ETS1: variants seen among roughly 807,000 people sequenced by gnomAD.
The protein encoded by ETS1 is protein C-ets-1.
A neutral mutation model predicts 58.6 loss-of-function variants in ETS1; 15 were observed. That is an observed-to-expected ratio of 0.26 (90% CI 0.17 to 0.39). The LOEUF (loss-of-function observed/expected upper bound fraction) is 0.39. ETS1 is among the 10% of genes least tolerant of loss of function. The pLI is 1.00. For missense variants in ETS1, 417 were observed against 610.5 expected (o/e 0.68, Z 3.34); for synonymous variants, 214 against 218.2 (o/e 0.98, Z 0.17).
In ETS1 at chr11:128,549,632, T is replaced by C. The variant is rs531897546; in HGVS notation, c.214+6659A>G. On this transcript the variant is annotated intron_variant, in intron 3 of 9. Coordinates refer to ENST00000392668, the MANE Select transcript of ETS1 (RefSeq NM_001143820.2). This position sits in a 1 kb window ranked among gnomAD's most constrained non-coding sequence, Gnocchi z 4.3. ...GGCGGGCCGGCGGAAGGCTTGCCTT[T>C]CCACTGTCACTCCACGAACCCAGCC... Among the ~76,000 whole-genome samples, 1 of 152,320 alleles carries C rather than the reference T, an allele frequency of 6.6e-6. No homozygotes were observed. Among genetic ancestry groups the C allele is most frequent in the Admixed American group, 6.5e-5 (1 of 15,300 alleles).
At chr11:128,584,200 T>C (rs1452472344) in intron 1 of ETS1, among the ~76,000 whole-genome samples, 3 of 152,232 alleles carry the variant, frequency 2.0e-5, no homozygotes, top group Non-Finnish European at 4.4e-5. Context: ...AAAGTCAGTA[T>C]CTTCATAACA....
Position 128,549,562 on chromosome 11 carries a change from C to T in ETS1, c.214+6729G>A, listed in dbSNP as rs1271493449. Among the ~76,000 whole-genome samples the T allele has an allele frequency of 1.3e-5, 2 of 152,190 alleles. No homozygotes were observed. The highest frequency in any genetic ancestry group is 2.9e-5 in the Non-Finnish European group (2 of 68,034). On this transcript the variant is annotated intron_variant, in intron 3 of 9. Coordinates refer to ENST00000392668, the MANE Select transcript of ETS1 (RefSeq NM_001143820.2). This position sits in a 1 kb window ranked among gnomAD's most constrained non-coding sequence, Gnocchi z 4.3. ...CCGCAGCCCCCTGGGAGTCCCAGCG[C>T]AATGCTGTTACTTCCTAGGATGTTC...
intron 3 of ETS1, among the ~76,000 whole-genome samples, chr11:128,496,336 G>A (rs1049840786): frequency 1.3e-4 from 20 of 151,856 alleles, no homozygotes; most frequent in African/African-American, 4.8e-4. Context: ...TTTCCTACAA[G>A]CAGAAGGCTG....
At position 128,460,801 on chromosome 11, in the gene ETS1, A is replaced by G. The variant is rs1477255648; in HGVS notation, c.*1560T>C. 1 of 152,288 alleles carries G rather than the reference A, an allele frequency of 6.6e-6. No homozygotes were observed. Among genetic ancestry groups the G allele is most frequent in the East Asian group, 1.9e-4 (1 of 5,328 alleles). The allele number at this position is 152,288 out of a possible 1,614,324, so 9.4% of individuals were successfully genotyped here. A position where few individuals can be genotyped will look rare whatever the true frequency, so the allele number is the denominator to read the frequency against. ...TTTTCCTCACTGAACCTCCTTCCTTAGTTTCCTTTGCCTTCAAGTCATTCC... is the reference window on the plus strand; with the variant it reads ...TTTTCCTCACTGAACCTCCTTCCTTGGTTTCCTTTGCCTTCAAGTCATTCC... On this transcript the variant is annotated 3_prime_UTR_variant, in exon 10 of 10. Coordinates refer to ENST00000392668, the MANE Select transcript of ETS1 (RefSeq NM_001143820.2).
chr11:128,503,379 C>T (rs1863140888), intron 3 of ETS1, among the ~76,000 whole-genome samples: 1 of 152,170 alleles, frequency 6.6e-6, no homozygotes, highest in Non-Finnish European at 1.5e-5. Context: ...CGTTCCTTCC[C>T]CAGCCCCACA....
chr11:128,531,500 T>G (rs1008422895), intron 3 of ETS1, among the ~76,000 whole-genome samples: 1 of 152,240 alleles, frequency 6.6e-6, no homozygotes, highest in Non-Finnish European at 1.5e-5. Flanking sequence ...GGACACAGTG[T>G]CCTATCTTCA....
intron 2 of ETS1, among the ~76,000 whole-genome samples, chr11:128,567,093 G>C (rs1309567027): frequency 2.0e-5 from 3 of 152,212 alleles, no homozygotes; most frequent in African/African-American, 7.2e-5. Flanking sequence ...TTGTGACAGG[G>C]AGCTGCTCTG....
Position 128,463,472 on chromosome 11 carries a change from T to G in ETS1, c.1242+37A>C. 8.5e-7 allele frequency: 1 copy of G among 1,179,642 alleles called. No homozygotes were observed. Among genetic ancestry groups the G allele is most frequent in the Non-Finnish European group, 1.3e-6 (1 of 784,890 alleles). 73.1% of individuals were successfully genotyped at this position (1,179,642 alleles called of 1,614,324 possible). ...CCTTCCAGGAGTTTTCTCTCATCCTTCCTCAACACAGTACTCGCAAGCCCC... is the reference window on the plus strand; with the variant it reads ...CCTTCCAGGAGTTTTCTCTCATCCTGCCTCAACACAGTACTCGCAAGCCCC... On this transcript the variant is annotated intron_variant, in intron 9 of 9. Transcript: ENST00000392668. This position sits in a 1 kb window ranked among gnomAD's most constrained non-coding sequence, Gnocchi z 4.1.
chr11:128,510,951 A>G (rs1465183025), intron 3 of ETS1, among the ~76,000 whole-genome samples: 1 of 152,238 alleles, frequency 6.6e-6, no homozygotes, highest in Non-Finnish European at 1.5e-5. Flanking sequence ...TTTTAGAGAG[A>G]TAATCTGACA....
chr11:128,496,008 C>A (rs888462351), intron 3 of ETS1, among the ~76,000 whole-genome samples: 1 of 152,062 alleles, frequency 6.6e-6, no homozygotes, highest in Non-Finnish European at 1.5e-5. Flanking sequence ...CATACACACA[C>A]GCAGAAGAAT....
intron 3 of ETS1, among the ~76,000 whole-genome samples, chr11:128,545,271 T>A (rs1490865579): frequency 6.6e-6 from 1 of 152,160 alleles, no homozygotes; most frequent in Non-Finnish European, 1.5e-5. Flanking sequence ...TTTTCATGGG[T>A]CTCTGCTTTG....
At chr11:128,530,593 A>C in intron 3 of ETS1, among the ~76,000 whole-genome samples, 1 of 152,174 alleles carries the variant, frequency 6.6e-6, no homozygotes, top group East Asian at 1.9e-4. Flanking sequence ...TTGGGAAACC[A>C]TCTTGAAAGA....
At chr11:128,568,315 C>T (rs1864547706) in intron 2 of ETS1, among the ~76,000 whole-genome samples, 2 of 152,234 alleles carry the variant, frequency 1.3e-5, no homozygotes, top group Admixed American at 6.5e-5. Flanking sequence ...CGCTCATTCC[C>T]GCCACTCTCA....
intron 1 of ETS1, among the ~76,000 whole-genome samples, chr11:128,579,272 T>C (rs1302758770): frequency 1.3e-5 from 2 of 152,180 alleles, no homozygotes; most frequent in Non-Finnish European, 2.9e-5. Context: ...TGAATAGATT[T>C]CCAATGAGCA....
chr11:128,584,679 A>C (rs1028623123), intron 1 of ETS1, among the ~76,000 whole-genome samples: 1 of 152,178 alleles, frequency 6.6e-6, no homozygotes, highest in African/African-American at 2.4e-5. Context: ...TCAGTACAGC[A>C]GGGATAAAGG....
At chr11:128,533,765 A>T (rs1342513603) in intron 3 of ETS1, among the ~76,000 whole-genome samples, 1 of 152,206 alleles carries the variant, frequency 6.6e-6, no homozygotes, top group African/African-American at 2.4e-5. Context: ...TGGGGCGCTT[A>T]CGTTACCAAA....
At chr11:128,559,768 C>T (rs888380551) in intron 2 of ETS1, among the ~76,000 whole-genome samples, 1 of 152,204 alleles carries the variant, frequency 6.6e-6, no homozygotes, top group African/African-American at 2.4e-5. Context: ...AACAACATCA[C>T]CAGTTCCAAT....
At chr11:128,540,892 A>G (rs982669542) in intron 3 of ETS1, among the ~76,000 whole-genome samples, 3 of 152,242 alleles carry the variant, frequency 2.0e-5, no homozygotes, top group Non-Finnish European at 4.4e-5. Context: ...AAATCAACAC[A>G]GGAGAGAGAA....
At chr11:128,585,177 A>AAG (rs1864992041) in intron 1 of ETS1, among the ~76,000 whole-genome samples, 2 of 53,874 alleles carry the variant, frequency 3.7e-5, no homozygotes, top group Non-Finnish European at 7.0e-5. Flanking sequence ...AGAGAAAGAA[A>AAG]GAAAGAAAGA....
Sources: allele counts gnomAD v4.1 joint callset (sites outside exome capture counted in the v4.1 genomes callset), GRCh38; gene constraint gnomAD v4.1.1; non-coding constraint Gnocchi (gnomAD v3.1); transcripts MANE v1.5; gene names NCBI Gene and HGNC (gene_info 2026-07-23, HGNC 2026-07-21).